Variants in PKIA observed in about 807,000 individuals in gnomAD.
PKIA encodes the protein cAMP-dependent protein kinase inhibitor alpha, also known as PKI-alpha.
Under a neutral mutation model 7.6 loss-of-function variants are expected in PKIA, and 4 were observed. The observed-to-expected ratio is 0.52, with a 90% CI of 0.26 to 1.20. The LOEUF (loss-of-function observed/expected upper bound fraction) is 1.20, where lower values mean the gene tolerates loss of function less well. PKIA is among the 50% of genes most tolerant of loss of function. The pLI is 0.13. For synonymous variants in PKIA, 21 were observed against 30.7 expected, an observed-to-expected ratio of 0.68 and a Z score of 1.04; for missense variants, 73 against 86.2, an observed-to-expected ratio of 0.85 and a Z score of 0.61.
intron 1 of PKIA, among the ~76,000 whole-genome samples, chr8:78,555,083 AC>A (rs1807095347): frequency 6.6e-6 from 1 of 152,000 alleles, no homozygotes; most frequent in African/African-American, 2.4e-5. Context: ...GGTACAAGGC[AC>A]TTACAGGTTG....
chr8:78,564,951 A>C (rs1195472427), intron 1 of PKIA, among the ~76,000 whole-genome samples: 1 of 151,880 alleles, frequency 6.6e-6, no homozygotes, highest in Non-Finnish European at 1.5e-5. Context: ...CAGTAATGGG[A>C]ATTTTTACTT....
intron 1 of PKIA, chr8:78,536,002 C>T (rs1382755662): frequency 6.6e-6 from 1 of 151,976 alleles, no homozygotes; most frequent in Non-Finnish European, 1.5e-5. Context: ...ACAATCTTAC[C>T]TTTCTGCTCA....
chr8:78,597,354 C>G, intron 2 of PKIA, among the ~76,000 whole-genome samples: 1 of 152,038 alleles, frequency 6.6e-6, no homozygotes, highest in East Asian at 1.9e-4. Flanking sequence ...AAGATTTAAT[C>G]AAGAGTGTTT....
chr8:78,520,943 G>A (rs2118314440), intron 1 of PKIA, among the ~76,000 whole-genome samples: 1 of 152,140 alleles, frequency 6.6e-6, no homozygotes, highest in South Asian at 2.1e-4. Flanking sequence ...TTTAAGACCT[G>A]AAATGAGAGC....
In PKIA at chr8:78,550,980, A is replaced by T. The variant is rs115937264; in HGVS notation, c.-156-21831A>T. ...CACAGATTTTATCTGGATGAATTGCAAGTTTTTGTCTGTTTATTACTCTTG... is the reference window on the plus strand; with the variant it reads ...CACAGATTTTATCTGGATGAATTGCTAGTTTTTGTCTGTTTATTACTCTTG... On this transcript the variant is annotated intron_variant, in intron 1 of 3. Coordinates refer to ENST00000396418, the MANE Select transcript of PKIA (RefSeq NM_006823.4). Among the ~76,000 whole-genome samples, 310 of 152,172 alleles carry T rather than the reference A, an allele frequency of 2.0e-3. 2 individuals are homozygous for T. The highest frequency in any genetic ancestry group is 6.9e-3 in the African/African-American group (286 of 41,558).
At chr8:78,533,109 C>T (rs1806435968) in intron 1 of PKIA, among the ~76,000 whole-genome samples, 1 of 151,986 alleles carries the variant, frequency 6.6e-6, no homozygotes, top group Admixed American at 6.6e-5. Context: ...TGTCTTTTGC[C>T]TGTTGGTCCT....
At chr8:78,526,461 G>A (rs914716058) in intron 1 of PKIA, among the ~76,000 whole-genome samples, 11 of 152,136 alleles carry the variant, frequency 7.2e-5, no homozygotes, top group Middle Eastern at 3.4e-3. Context: ...AAATAAGGGT[G>A]CTTATTTCAG....
At chr8:78,556,875 A>G (rs1257288436) in intron 1 of PKIA, among the ~76,000 whole-genome samples, 2 of 152,158 alleles carry the variant, frequency 1.3e-5, no homozygotes, top group African/African-American at 4.8e-5. Context: ...GACTAGCAGA[A>G]GAAGCTGGCA....
intron 1 of PKIA, among the ~76,000 whole-genome samples, chr8:78,529,985 G>A (rs573614695): frequency 6.6e-6 from 1 of 151,996 alleles, no homozygotes; most frequent in Non-Finnish European, 1.5e-5. Flanking sequence ...AAACATTGCT[G>A]AGAGTGTGGT....
At chr8:78,521,020 C>CA (rs1405126921) in intron 1 of PKIA, among the ~76,000 whole-genome samples, 1 of 152,060 alleles carries the variant, frequency 6.6e-6, no homozygotes, top group Admixed American at 6.6e-5. Flanking sequence ...AATAGTGACT[C>CA]AAAGAACCTT....
chr8:78,547,148 C>T (rs553453579), intron 1 of PKIA, among the ~76,000 whole-genome samples: 3 of 151,952 alleles, frequency 2.0e-5, no homozygotes, highest in Admixed American at 6.6e-5. Context: ...CTCGCTCTGT[C>T]GCCAGGCTGG....
intron 1 of PKIA, chr8:78,556,642 T>C (rs918335614): frequency 2.0e-5 from 3 of 151,986 alleles, no homozygotes; most frequent in Admixed American, 2.0e-4. Flanking sequence ...CAAGACACAG[T>C]CAGCAATTCT....
chr8:78,580,903 G>A (rs965811343), intron 2 of PKIA, among the ~76,000 whole-genome samples: 5 of 152,022 alleles, frequency 3.3e-5, no homozygotes, highest in African/African-American at 1.2e-4. Context: ...AAACATAGAT[G>A]TAAGGTATAT....
chr8:78,552,801 C>A (rs1207027367), intron 1 of PKIA, among the ~76,000 whole-genome samples: 2 of 151,832 alleles, frequency 1.3e-5, no homozygotes, highest in Non-Finnish European at 2.9e-5. Context: ...TACTTTTAGT[C>A]TTTATATAAT....
At chr8:78,585,931 T>C (rs992871978) in intron 2 of PKIA, among the ~76,000 whole-genome samples, 5 of 152,206 alleles carry the variant, frequency 3.3e-5, no homozygotes, top group Admixed American at 1.3e-4. Flanking sequence ...TCCTTTTGCC[T>C]TCACTAAACA....
chr8:78,599,529 A>T (rs1808306806), intron 3 of PKIA, among the ~76,000 whole-genome samples: 1 of 152,072 alleles, frequency 6.6e-6, no homozygotes, highest in Non-Finnish European at 1.5e-5. Flanking sequence ...CAATGGCTAA[A>T]GCTCAGTATT....
chr8:78,551,910 G>C (rs983406538), intron 1 of PKIA, among the ~76,000 whole-genome samples: 11 of 151,944 alleles, frequency 7.2e-5, no homozygotes, highest in Non-Finnish European at 1.6e-4. Context: ...TTTCAGATGT[G>C]CATTGAGAAT....
chr8:78,600,764 A>C (rs1324283128), intron 3 of PKIA, among the ~76,000 whole-genome samples: 3 of 152,072 alleles, frequency 2.0e-5, no homozygotes, highest in Non-Finnish European at 4.4e-5. Context: ...ATTTCCCTAA[A>C]GATTTAATGT....
At chr8:78,590,260 C>T (rs1808061483) in intron 2 of PKIA, among the ~76,000 whole-genome samples, 1 of 150,402 alleles carries the variant, frequency 6.6e-6, no homozygotes, top group East Asian at 1.9e-4. Flanking sequence ...CCAATATTTT[C>T]CAGATGACCA....
Sources: gnomAD v4.1 joint callset for allele counts (sites outside exome capture counted in the v4.1 genomes callset) on GRCh38, gnomAD v4.1.1 for gene constraint, MANE v1.5 for transcripts, NCBI Gene and HGNC (gene_info 2026-07-23, HGNC 2026-07-21) for gene names.